Variants in SMAGP observed in about 807,000 individuals in gnomAD.
SMAGP encodes small cell adhesion glycoprotein, also known as small cell transmembrane and glycosylated protein.
In SMAGP, 7 loss-of-function variants were observed where a neutral mutation model predicts 10.1. The ratio of observed to expected loss-of-function variants is 0.70; its 90% CI spans 0.40 to 1.31. SMAGP has a LOEUF of 1.31. Ranked by LOEUF, SMAGP falls within the 50% of genes most tolerant of loss-of-function variation. SMAGP has a pLI of 0.01. For missense variants in SMAGP, 113 were observed against 116.5 expected (o/e 0.97, Z 0.14); for synonymous variants, 49 against 47.2 (o/e 1.04, Z -0.16).
intron 2 of SMAGP, among the ~76,000 whole-genome samples, chr12:51,264,498 C>T (rs1305702262): frequency 1.3e-5 from 2 of 152,078 alleles, no homozygotes; most frequent in African/African-American, 4.8e-5. Flanking sequence ...TGATGGTGCA[C>T]GCCTGCAGTC....
chr12:51,248,308 G>A (rs968106652), intron 2 of SMAGP, among the ~76,000 whole-genome samples: 3 of 151,946 alleles, frequency 2.0e-5, no homozygotes, highest in African/African-American at 7.3e-5. Flanking sequence ...CCCAAGGCCA[G>A]GCCAAACCTT....
At chr12:51,249,002 C>T (rs764971243) in intron 2 of SMAGP, among the ~76,000 whole-genome samples, 19 of 151,428 alleles carry the variant, frequency 1.3e-4, no homozygotes, top group African/African-American at 3.2e-4. Context: ...ATCGCTTGAG[C>T]CCAGGAGGTG....
chr12:51,270,411 C>T lies in SMAGP; in HGVS notation c.-194G>A, dbSNP rs1283001691. The T allele has an allele frequency of 4.0e-6, 1 of 249,956 alleles. No homozygotes were observed. The highest frequency in any genetic ancestry group is 2.2e-5 in the African/African-American group (1 of 45,186). 15.5% of individuals were successfully genotyped at this position (249,956 alleles called of 1,614,324 possible). A position where few individuals can be genotyped will look rare whatever the true frequency, so the allele number is the denominator to read the frequency against. On this transcript the variant is annotated 5_prime_UTR_variant, in exon 1 of 4. Transcript: ENST00000603798. Reference sequence around the variant, plus strand: ...CCGCGGGTGGCGCGCGGGGTTGGCGCAGAGGCCGGAGGGGGTGGGGGGCAG... The same window carrying T: ...CCGCGGGTGGCGCGCGGGGTTGGCGTAGAGGCCGGAGGGGGTGGGGGGCAG...
At chr12:51,250,440 T>C (rs1944826050) in intron 2 of SMAGP, among the ~76,000 whole-genome samples, 1 of 152,036 alleles carries the variant, frequency 6.6e-6, no homozygotes, top group East Asian at 1.9e-4. Context: ...CTAAGCATAT[T>C]ACTAGGTGAC....
intron 2 of SMAGP, among the ~76,000 whole-genome samples, chr12:51,260,202 GTTTCT>G (rs1944918964): frequency 7.1e-6 from 1 of 140,124 alleles, no homozygotes; most frequent in African/African-American, 2.6e-5. Context: ...GGGTGTCATG[GTTTCT>G]TTTTTTTTTT....
intron 2 of SMAGP, among the ~76,000 whole-genome samples, chr12:51,268,872 C>T (rs775491266): frequency 4.6e-5 from 7 of 152,068 alleles, no homozygotes; most frequent in Non-Finnish European, 8.8e-5. Context: ...AAGCATGAGC[C>T]ACCACGCCCG....
chr12:51,245,618 A>C lies in SMAGP; in HGVS notation c.*323T>G, dbSNP rs1018523598. ...AGAGCAGCCAATGACCTTAACTCAA[A>C]ATCTTTTCTCTCCCTTCAACCTGTG... On this transcript the variant is annotated 3_prime_UTR_variant, in exon 4 of 4. Transcript: ENST00000603798. 1.9e-5 allele frequency: 5 copies of C among 264,250 alleles called. No individual in the cohort carries two copies. The highest frequency in any genetic ancestry group is 4.3e-5 in the African/African-American group (2 of 46,172). The allele number at this position is 264,250 out of a possible 1,614,324, so 16.4% of individuals were successfully genotyped here.
intron 2 of SMAGP, among the ~76,000 whole-genome samples, chr12:51,256,519 C>A: frequency 6.6e-6 from 1 of 152,124 alleles, no homozygotes; most frequent in East Asian, 1.9e-4. Flanking sequence ...GTCAGCAGTT[C>A]AAGACCAGCC....
intron 2 of SMAGP, among the ~76,000 whole-genome samples, chr12:51,258,353 C>A (rs1026150418): frequency 6.6e-6 from 1 of 151,888 alleles, no homozygotes; most frequent in Non-Finnish European, 1.5e-5. Context: ...AGGCTGAGGG[C>A]AGGTGGATCA....
chr12:51,267,772 T>C (rs952413431), intron 2 of SMAGP, among the ~76,000 whole-genome samples: 8 of 152,098 alleles, frequency 5.3e-5, no homozygotes, highest in African/African-American at 1.9e-4. Context: ...ATTACAGGCG[T>C]GAGCCACCAT....
At chr12:51,268,916 CTCACTATGT>C (rs1400187355) in intron 2 of SMAGP, among the ~76,000 whole-genome samples, 4 of 152,052 alleles carry the variant, frequency 2.6e-5, no homozygotes. Context: ...GCAATGGGGT[CTCACTATGT>C]TCCCCAGGCA....
rs576722825 is a variant in SMAGP, at chr12:51,266,977, G to A, written c.34+2268C>T. Among the ~76,000 whole-genome samples, 5 of 152,262 alleles carry A rather than the reference G, an allele frequency of 3.3e-5. No homozygotes were observed. In the East Asian group the frequency reaches 5.8e-4, roughly 18 times the overall value. On this transcript the variant is annotated intron_variant, in intron 2 of 3. Coordinates refer to ENST00000603798, the MANE Select transcript of SMAGP (RefSeq NM_001031628.2). ...CTAAAAGTATACAAATTAGCCAGGC[G>A]TGGTAGCGCACGCCTGTAATTCCAG...
Position 51,268,874 on chromosome 12 carries a change from C to G in SMAGP, c.34+371G>C, listed in dbSNP as rs572485587. Reference sequence around the variant, plus strand: ...CTGCTGGCATTACAAGCATGAGCCACCACGCCCGGCCTCTTTCTTTCTTTT... The same window carrying G: ...CTGCTGGCATTACAAGCATGAGCCAGCACGCCCGGCCTCTTTCTTTCTTTT... On this transcript the variant is annotated intron_variant, in intron 2 of 3. Coordinates refer to ENST00000603798, the MANE Select transcript of SMAGP (RefSeq NM_001031628.2). Among the ~76,000 whole-genome samples, 325 of 152,214 alleles carry G rather than the reference C, an allele frequency of 2.1e-3. 1 individual carries two copies. The highest frequency in any genetic ancestry group is 7.2e-3 in the African/African-American group (299 of 41,534).
At chr12:51,266,668 C>T (rs1592238237) in intron 2 of SMAGP, among the ~76,000 whole-genome samples, 1 of 152,190 alleles carries the variant, frequency 6.6e-6, no homozygotes, top group Non-Finnish European at 1.5e-5. Context: ...CAGGAAAAAA[C>T]ACAGTATAGA....
At chr12:51,254,476 G>A (rs1944869533) in intron 2 of SMAGP, among the ~76,000 whole-genome samples, 1 of 152,088 alleles carries the variant, frequency 6.6e-6, no homozygotes, top group African/African-American at 2.4e-5. Flanking sequence ...GAACCCAGGA[G>A]GCGGAGGCTG....
intron 2 of SMAGP, among the ~76,000 whole-genome samples, chr12:51,248,501 C>T (rs1056576940): frequency 2.0e-5 from 3 of 150,946 alleles, no homozygotes; most frequent in Non-Finnish European, 4.4e-5. Flanking sequence ...TTCCTGGCTC[C>T]TAATTCCCAC....
chr12:51,267,734 G>C (rs1319247647), intron 2 of SMAGP, among the ~76,000 whole-genome samples: 1 of 152,012 alleles, frequency 6.6e-6, no homozygotes, highest in Non-Finnish European at 1.5e-5. Flanking sequence ...AGCTCAGTCT[G>C]CCTGCCTCAA....
At chr12:51,246,153 C>A in intron 3 of SMAGP, 34 bp from the exon 4 acceptor site, 1 of 1,610,080 alleles carries the variant, frequency 6.2e-7, no homozygotes, top group Non-Finnish European at 8.5e-7. Flanking sequence ...AGAGATGTTT[C>A]AGGATTGAGG....
intron 2 of SMAGP, among the ~76,000 whole-genome samples, chr12:51,264,672 C>T (rs1944958236): frequency 6.7e-6 from 1 of 150,356 alleles, no homozygotes; most frequent in South Asian, 2.1e-4. Context: ...TGGCTCATGC[C>T]TGTAATCCTA....
Sources: allele counts gnomAD v4.1 joint callset (sites outside exome capture counted in the v4.1 genomes callset), GRCh38; gene constraint gnomAD v4.1.1; transcripts MANE v1.5; gene names NCBI Gene and HGNC (gene_info 2026-07-23, HGNC 2026-07-21).